The following ZNRF1 variants were observed in gnomAD, a reference collection of about 807,000 sequenced individuals.
ZNRF1 encodes E3 ubiquitin-protein ligase ZNRF1.
ZNRF1 carries 3 observed loss-of-function variants against 18.4 expected under a neutral mutation model. The observed-to-expected ratio is 0.16, with a 90% confidence interval of 0.07 to 0.42. ZNRF1 has a LOEUF of 0.42. Ranked by LOEUF, ZNRF1 falls within the 10% of genes least tolerant of loss-of-function variation. The pLI, the probability that ZNRF1 is intolerant of heterozygous loss-of-function variation, is 0.99. For synonymous variants in ZNRF1, 157 were observed against 144.2 expected (o/e 1.09, Z -0.64); for missense variants, 310 against 329.8 (o/e 0.94, Z 0.47).
At chr16:75,079,689 C>T (rs1390406489) in intron 1 of ZNRF1, among the ~76,000 whole-genome samples, 2 of 152,196 alleles carry the variant, frequency 1.3e-5, no homozygotes, top group African/African-American at 4.8e-5. Flanking sequence ...CTCCATTCTA[C>T]TCTTTTGGCT....
chr16:75,085,114 C>T (rs1371114964), intron 1 of ZNRF1, among the ~76,000 whole-genome samples: 1 of 152,084 alleles, frequency 6.6e-6, no homozygotes, highest in Non-Finnish European at 1.5e-5. Context: ...AACACATACG[C>T]GTGTGTAACC....
intron 1 of ZNRF1, among the ~76,000 whole-genome samples, chr16:75,050,651 G>A (rs1302366009): frequency 8.6e-5 from 13 of 151,300 alleles, no homozygotes; most frequent in African/African-American, 2.4e-5. Context: ...GGCGGATCAC[G>A]AGGTCAGGAG....
intron 1 of ZNRF1, among the ~76,000 whole-genome samples, chr16:75,007,813 A>T (rs907637982): frequency 6.6e-6 from 1 of 152,186 alleles, no homozygotes; most frequent in Admixed American, 6.5e-5. Context: ...ACAGAGAAAT[A>T]AACTTTGAAT....
At chr16:75,045,715 T>A (rs1489166047) in intron 1 of ZNRF1, among the ~76,000 whole-genome samples, 1 of 149,292 alleles carries the variant, frequency 6.7e-6, no homozygotes, top group African/African-American at 2.5e-5. Context: ...TTCTTCTTCG[T>A]CTTTTTTTTT....
chr16:75,050,881 A>AAC (rs2035588980), intron 1 of ZNRF1, among the ~76,000 whole-genome samples: 1 of 118,412 alleles, frequency 8.4e-6, no homozygotes, highest in African/African-American at 3.7e-5. Context: ...AAAAAAAAAA[A>AAC]AAAAAAACAA....
chr16:75,005,184 C>T (rs1243746542), intron 1 of ZNRF1, among the ~76,000 whole-genome samples: 2 of 152,060 alleles, frequency 1.3e-5, no homozygotes, highest in Non-Finnish European at 2.9e-5. Flanking sequence ...TGCAAAAGTT[C>T]TATTGTTAAT....
In ZNRF1 at chr16:75,075,469, G is replaced by C. The variant is rs117689954; in HGVS notation, c.425-18103G>C. 4.1e-3 allele frequency among the ~76,000 whole-genome samples: 620 copies of C among 152,362 alleles called. 4 individuals carry two copies. The highest frequency in any genetic ancestry group is 7.1e-3 in the Admixed American group (109 of 15,312). On this transcript the variant is annotated intron_variant, in intron 1 of 4. Coordinates refer to ENST00000335325, the MANE Select transcript of ZNRF1 (RefSeq NM_032268.5). ...TCCTACTTAACCCTCGCTGTGGTATGGCAGTTACTGGAACCTTGACTGGTA... is the reference window on the plus strand; with the variant it reads ...TCCTACTTAACCCTCGCTGTGGTATCGCAGTTACTGGAACCTTGACTGGTA...
At chr16:75,097,876 G>C (rs111607202) in intron 2 of ZNRF1, among the ~76,000 whole-genome samples, 2 of 152,158 alleles carry the variant, frequency 1.3e-5, no homozygotes, top group African/African-American at 2.4e-5. Flanking sequence ...AGCAGAAATG[G>C]CTCCTGCTAT....
At chr16:75,051,959 T>C (rs1284194255) in intron 1 of ZNRF1, among the ~76,000 whole-genome samples, 2 of 152,280 alleles carry the variant, frequency 1.3e-5, no homozygotes, top group Admixed American at 1.3e-4. Flanking sequence ...TATTTCAATA[T>C]GTACATCATT....
intron 2 of ZNRF1, chr16:75,095,459 C>T (rs1257378355): frequency 3.5e-6 from 3 of 848,192 alleles, no homozygotes; most frequent in East Asian, 5.6e-5. Context: ...GGAGCCTTCC[C>T]TGCGTCTCAC....
intron 3 of ZNRF1, chr16:75,106,090 C>T (rs915289228): frequency 1.2e-4 from 22 of 185,994 alleles, no homozygotes; most frequent in South Asian, 2.3e-4. Context: ...CCATTGTTCC[C>T]ACTTCCCTGC....
intron 1 of ZNRF1, among the ~76,000 whole-genome samples, chr16:75,042,348 C>T (rs2035459244): frequency 6.6e-6 from 1 of 151,482 alleles, no homozygotes; most frequent in Non-Finnish European, 1.5e-5. Flanking sequence ...CTATTTTCAT[C>T]TAGAAGTTTT....
intron 1 of ZNRF1, among the ~76,000 whole-genome samples, chr16:75,032,173 G>A (rs750264086): frequency 4.1e-5 from 6 of 146,206 alleles, no homozygotes; most frequent in Non-Finnish European, 7.4e-5. Flanking sequence ...GCAGTGGTAC[G>A]GTCTCAGCTT....
At chr16:75,100,728 G>C (rs1305785322) in intron 2 of ZNRF1, among the ~76,000 whole-genome samples, 2 of 152,222 alleles carry the variant, frequency 1.3e-5, no homozygotes, top group Non-Finnish European at 1.5e-5. Context: ...AAGTATGGAG[G>C]GGAAGGAATG....
intron 1 of ZNRF1, among the ~76,000 whole-genome samples, chr16:75,014,417 G>A (rs190246547): frequency 1.3e-5 from 2 of 152,046 alleles, no homozygotes; most frequent in African/African-American, 2.4e-5. Context: ...ATTATGAGGT[G>A]TGTGTGTGTA....
At chr16:75,060,086 C>G (rs1440866051) in intron 1 of ZNRF1, among the ~76,000 whole-genome samples, 1 of 152,016 alleles carries the variant, frequency 6.6e-6, no homozygotes, top group Admixed American at 6.6e-5. Flanking sequence ...GCGAGTCTCA[C>G]TCTCTTGCCC....
rs913338351 is a variant in ZNRF1, at chr16:75,038,728, C to T, written c.424+38633C>T. Among the ~76,000 whole-genome samples, 3 of 152,306 alleles carry T rather than the reference C, an allele frequency of 2.0e-5. No homozygotes were observed. In the South Asian group the frequency reaches 6.2e-4, roughly 32 times the overall value. On this transcript the variant is annotated intron_variant, in intron 1 of 4. Transcript: ENST00000335325. ...CTCCAGGAAGTCCTGTGTGTGTGTT[C>T]TTCTAAGCACGATCTGCAGTCTGGC...
intron 2 of ZNRF1, 74 bp downstream of exon 2, chr16:75,093,741 C>T: frequency 8.0e-7 from 1 of 1,243,566 alleles, no homozygotes; most frequent in Non-Finnish European, 1.2e-6. Context: ...TGGGAGCCTC[C>T]AGTCGAGGGT....
chr16:75,066,814 A>T (rs1178860121), intron 1 of ZNRF1, among the ~76,000 whole-genome samples: 1 of 152,168 alleles, frequency 6.6e-6, no homozygotes, highest in East Asian at 1.9e-4. Flanking sequence ...TAGATCTAGT[A>T]TTATAAAATG....
Sources: allele counts gnomAD v4.1 joint callset (sites outside exome capture counted in the v4.1 genomes callset), GRCh38; gene constraint gnomAD v4.1.1; transcripts MANE v1.5; gene names NCBI Gene and HGNC (gene_info 2026-07-23, HGNC 2026-07-21).